The following GLDC variants were observed in gnomAD, a reference collection of about 807,000 sequenced individuals.
GLDC encodes the protein glycine decarboxylase, also known as glycine dehydrogenase (decarboxylating), mitochondrial.
A neutral mutation model predicts 121.3 loss-of-function variants in GLDC; 104 were observed. That is an observed-to-expected ratio of 0.86 (90% CI 0.73 to 1.01). The LOEUF (loss-of-function observed/expected upper bound fraction) is 1.01. Ranked by LOEUF, GLDC falls within the 50% of genes least tolerant of loss-of-function variation. GLDC has a pLI of 0.00. For missense variants in GLDC, 1,429 were observed against 1,306.6 expected (o/e 1.09, Z -1.44); for synonymous variants, 546 against 480.6 (o/e 1.14, Z -1.78).
intron 2 of GLDC, among the ~76,000 whole-genome samples, chr9:6,624,568 T>C (rs960060197): frequency 5.3e-5 from 8 of 152,208 alleles, no homozygotes; most frequent in Non-Finnish European, 1.0e-4. Flanking sequence ...AGGTTCCTGT[T>C]GTTTTAAGCC....
intron 20 of GLDC, among the ~76,000 whole-genome samples, chr9:6,551,215 T>G (rs1273421621): frequency 2.0e-5 from 3 of 152,282 alleles, no homozygotes; most frequent in African/African-American, 7.2e-5. Context: ...AAAAGAATTG[T>G]TCTTAAATTA....
At chr9:6,633,435 G>C (rs1819432044) in intron 2 of GLDC, among the ~76,000 whole-genome samples, 1 of 152,032 alleles carries the variant, frequency 6.6e-6, no homozygotes, top group Admixed American at 6.6e-5. Flanking sequence ...TGCAACTTTT[G>C]CTTCAACTTT....
chr9:6,610,375 G>A lies in GLDC; in HGVS notation c.471-19C>T. On this transcript the variant is annotated intron_variant, in intron 3 of 24. Coordinates refer to ENST00000321612, the MANE Select transcript of GLDC (RefSeq NM_000170.3). ...GGTGATCCTGCAAGGGAAACAAAAG[G>A]TCTTGTCCAAACTGACTGCTGTTTA... is the stretch of plus-strand genomic sequence containing the variant. 1 of 1,613,336 alleles carries A rather than the reference G, an allele frequency of 6.2e-7. No individual in the cohort carries two copies. The highest frequency in any genetic ancestry group is 1.7e-5 in the Admixed American group (1 of 59,988).
chr9:6,639,466 T>A (rs1554652022), intron 2 of GLDC: 2 of 900,664 alleles, frequency 2.2e-6, no homozygotes, highest in South Asian at 2.6e-5. Flanking sequence ...AAGCACCAGA[T>A]TAAACAGGCT....
Position 6,592,914 on chromosome 9 carries a change from C to T in GLDC, c.1338G>A (p.Val446=), listed in dbSNP as rs890238192. 4.3e-6 allele frequency: 7 copies of T among 1,614,012 alleles called. No homozygotes were observed. The highest frequency in any genetic ancestry group is 5.9e-6 in the Non-Finnish European group (7 of 1,179,918). The change falls in exon 10 of 25, where the codon GTG becomes GTA. Residue 446 remains valine (V), a synonymous_variant. Coordinates refer to ENST00000321612, the MANE Select transcript of GLDC (RefSeq NM_000170.3). ...DTLKIQCGCS[V]KEVLGRAAQR... is the part of the protein sequence containing the mutation. Reference sequence around the variant, plus strand: ...GAGCGGCCCTGCCCAAGACCTCCTTCACTGAGCAGCCACACTGAATCTTCA... The same window carrying T: ...GAGCGGCCCTGCCCAAGACCTCCTTTACTGAGCAGCCACACTGAATCTTCA...
At chr9:6,636,478 C>G (rs893911502) in intron 2 of GLDC, among the ~76,000 whole-genome samples, 1 of 152,064 alleles carries the variant, frequency 6.6e-6, no homozygotes. Context: ...TAAAACTGCT[C>G]TAAAAAATAA....
chr9:6,634,725 T>C (rs908014752), intron 2 of GLDC, among the ~76,000 whole-genome samples: 1 of 152,156 alleles, frequency 6.6e-6, no homozygotes, highest in African/African-American at 2.4e-5. Flanking sequence ...CTCTTAGATC[T>C]GTTCTGTACT....
At chr9:6,565,141 CTT>C (rs1049023179) in intron 16 of GLDC, among the ~76,000 whole-genome samples, 15 of 152,304 alleles carry the variant, frequency 9.8e-5, no homozygotes, top group African/African-American at 3.6e-4. Flanking sequence ...TTGAGCAAGT[CTT>C]TTATCTCTGA....
chr9:6,583,296 G>T (rs527908020), intron 15 of GLDC, among the ~76,000 whole-genome samples: 7 of 152,186 alleles, frequency 4.6e-5, no homozygotes, highest in Admixed American at 4.6e-4. Flanking sequence ...CACTATAGCC[G>T]AAAGGATGGA....
intron 21 of GLDC, among the ~76,000 whole-genome samples, chr9:6,550,550 C>T (rs2129704184): frequency 6.6e-6 from 1 of 152,220 alleles, no homozygotes; most frequent in South Asian, 2.1e-4. Flanking sequence ...TCGCTTGAAC[C>T]CGGGAGGCAG....
intron 2 of GLDC, among the ~76,000 whole-genome samples, chr9:6,629,082 CT>C (rs1160737891): frequency 6.6e-6 from 1 of 151,872 alleles, no homozygotes; most frequent in African/African-American, 2.4e-5. Context: ...AATGCTTCCT[CT>C]TTACATCATT....
chr9:6,577,445 T>A (rs1818087944), intron 15 of GLDC, among the ~76,000 whole-genome samples: 1 of 152,202 alleles, frequency 6.6e-6, no homozygotes, highest in Non-Finnish European at 1.5e-5. Flanking sequence ...GGAGGAACCC[T>A]CTGAGATCAG....
At chr9:6,629,929 CTATATATATATATATG>C (rs1184989107) in intron 2 of GLDC, among the ~76,000 whole-genome samples, 1 of 102,168 alleles carries the variant, frequency 9.8e-6, no homozygotes, top group Non-Finnish European at 1.8e-5. Flanking sequence ...TTGCTTTTCA[CTATATATATATATATG>C]TATATATATA....
intron 3 of GLDC, 33 bp downstream of exon 3, chr9:6,620,145 ATCACAG>A (rs1298906003): frequency 6.2e-7 from 1 of 1,602,794 alleles, no homozygotes. Context: ...AATTATGCAA[ATCACAG>A]TCATCCTGTT....
chr9:6,550,393 G>A (rs1474385486), intron 21 of GLDC, among the ~76,000 whole-genome samples: 2 of 152,146 alleles, frequency 1.3e-5, no homozygotes, highest in East Asian at 1.9e-4. Flanking sequence ...TTGGGAGGCT[G>A]AGACAGGTGG....
chr9:6,561,681 T>C (rs1483434598), intron 16 of GLDC, among the ~76,000 whole-genome samples: 2 of 152,040 alleles, frequency 1.3e-5, no homozygotes, highest in African/African-American at 4.8e-5. Flanking sequence ...GTGAGGGATA[T>C]GGAAGTAACA....
In GLDC at chr9:6,643,339, A is replaced by C. The variant is rs193210575; in HGVS notation, c.334+1275T>G. ...CAACAAAGGCAGCAGCCCTCAGCAT[A>C]GCCTGAGCAGCCAACCTGAAGCAGA... On this transcript the variant is annotated intron_variant, in intron 2 of 24. Transcript: ENST00000321612. 3.6e-3 allele frequency among the ~76,000 whole-genome samples: 544 copies of C among 151,678 alleles called. 1 individual carries two copies. The highest frequency in any genetic ancestry group is 4.6e-3 in the Non-Finnish European group (312 of 67,966).
chr9:6,571,386 A>G (rs1430301517), intron 15 of GLDC, among the ~76,000 whole-genome samples: 1 of 152,216 alleles, frequency 6.6e-6, no homozygotes, highest in Non-Finnish European at 1.5e-5. Flanking sequence ...GTTACAGATT[A>G]ACAACAATAA....
At chr9:6,552,948 T>C (rs902647606) in intron 20 of GLDC, among the ~76,000 whole-genome samples, 2 of 151,214 alleles carry the variant, frequency 1.3e-5, no homozygotes, top group Admixed American at 6.6e-5. Flanking sequence ...AAGAAATATA[T>C]AGCAAAGTGA....
Sources: gnomAD v4.1 joint callset for allele counts (sites outside exome capture counted in the v4.1 genomes callset) on GRCh38, gnomAD v4.1.1 for gene constraint, MANE v1.5 for transcripts, NCBI Gene and HGNC (gene_info 2026-07-23, HGNC 2026-07-21) for gene names.